Variants in PHACTR3 observed in about 807,000 individuals in gnomAD.
The protein encoded by PHACTR3 is phosphatase and actin regulator 3, also known as protein phosphatase 1, regulatory subunit 123.
Under a neutral mutation model 66.8 loss-of-function variants are expected in PHACTR3, and 16 were observed. That is an observed-to-expected ratio of 0.24 (90% CI 0.16 to 0.36). PHACTR3 has a LOEUF of 0.36. Ranked by LOEUF, PHACTR3 falls within the 10% of genes least tolerant of loss-of-function variation. The pLI is 1.00. For synonymous variants in PHACTR3, 323 were observed against 292.1 expected, an observed-to-expected ratio of 1.11 and a Z score of -1.08; for missense variants, 647 against 719.9, an observed-to-expected ratio of 0.90 and a Z score of 1.16.
intron 4 of PHACTR3, among the ~76,000 whole-genome samples, chr20:59,761,169 T>C (rs1421783015): frequency 6.6e-6 from 1 of 152,124 alleles, no homozygotes; most frequent in African/African-American, 2.4e-5. Context: ...TCTGCATGGC[T>C]GTGGAGCACT....
chr20:59,733,931 G>T (rs2038854628), intron 1 of PHACTR3, among the ~76,000 whole-genome samples: 1 of 151,882 alleles, frequency 6.6e-6, no homozygotes, highest in South Asian at 2.1e-4. Flanking sequence ...CCATATGTGT[G>T]AGTGCCCCCA....
intron 8 of PHACTR3, among the ~76,000 whole-genome samples, chr20:59,809,068 C>G (rs1480076085): frequency 6.6e-6 from 1 of 152,182 alleles, no homozygotes; most frequent in Admixed American, 6.5e-5. Context: ...GGCAGATTTT[C>G]CTCTGAGCAG....
At chr20:59,691,508 A>C (rs1295322909) in intron 1 of PHACTR3, among the ~76,000 whole-genome samples, 2 of 152,134 alleles carry the variant, frequency 1.3e-5, no homozygotes, top group Admixed American at 6.5e-5. Flanking sequence ...TGTCCCATTG[A>C]ATTGTGTCTA....
chr20:59,663,409 C>T (rs1235965906), intron 1 of PHACTR3, among the ~76,000 whole-genome samples: 1 of 152,226 alleles, frequency 6.6e-6, no homozygotes, highest in Non-Finnish European at 1.5e-5. Context: ...ATCAGGGCCA[C>T]TGAACCAGAA....
At chr20:59,641,387 G>A (rs2035098765) in intron 1 of PHACTR3, among the ~76,000 whole-genome samples, 1 of 152,174 alleles carries the variant, frequency 6.6e-6, no homozygotes, top group Admixed American at 6.5e-5. Flanking sequence ...GAGAGCCAAT[G>A]GTGTAGTTCT....
rs188188164 is a variant in PHACTR3 at position 59,827,873 on chromosome 20, C to G, written c.1329-8632C>G. On this transcript the variant is annotated intron_variant, in intron 8 of 12. Transcript: ENST00000371015. ...GCTTCCTGGTGGAGTTGAAGTTGCC[C>G]TGCCTCCTATGCCCTCAGGACACAG... Among the ~76,000 whole-genome samples, 1,231 of 152,256 alleles carry G rather than the reference C, an allele frequency of 8.1e-3. 15 individuals are homozygous for G. The highest frequency in any genetic ancestry group is 0.028 in the African/African-American group (1,172 of 41,552).
chr20:59,588,014 A>G (rs2033085370), intron 1 of PHACTR3, among the ~76,000 whole-genome samples: 2 of 152,044 alleles, frequency 1.3e-5, no homozygotes, highest in African/African-American at 4.8e-5. Flanking sequence ...CCCTGATCCC[A>G]GCTGCAAAGG....
At chr20:59,712,667 G>A (rs58991213) in intron 1 of PHACTR3, among the ~76,000 whole-genome samples, 2,642 of 152,228 alleles carry the variant, frequency 0.017, 78 homozygotes, top group African/African-American at 0.06. Context: ...AAACACATTT[G>A]TTATGTTGAT....
intron 1 of PHACTR3, among the ~76,000 whole-genome samples, chr20:59,661,029 T>G (rs2035787865): frequency 6.6e-6 from 1 of 152,188 alleles, no homozygotes; most frequent in Non-Finnish European, 1.5e-5. Context: ...CTTCACACTG[T>G]GATTCTCATT....
rs2041999135 is a variant in PHACTR3, at chr20:59,820,328, G to A, written c.1328+14134G>A. ...CAGAAATCAACCTCAGCCCTAAAGGGAGGGGCCTGGTAGTCCTGCAAAGGC... is the reference window on the plus strand; with the variant it reads ...CAGAAATCAACCTCAGCCCTAAAGGAAGGGGCCTGGTAGTCCTGCAAAGGC... On this transcript the variant is annotated intron_variant, in intron 8 of 12. Transcript: ENST00000371015. The surrounding 1 kb of genome is among the most constrained non-coding windows in gnomAD (Gnocchi z 4.6). Among the ~76,000 whole-genome samples, 1 of 152,260 alleles carries A rather than the reference G, an allele frequency of 6.6e-6. No homozygotes were observed. Among genetic ancestry groups the A allele is most frequent in the African/African-American group, 2.4e-5 (1 of 41,470 alleles).
intron 3 of PHACTR3, among the ~76,000 whole-genome samples, chr20:59,749,456 G>T (rs1345209149): frequency 6.6e-6 from 1 of 152,232 alleles, no homozygotes; most frequent in Non-Finnish European, 1.5e-5. Context: ...GTCTGATGAA[G>T]TCATAGCAGA....
At chr20:59,673,138 A>G (rs2036251930) in intron 1 of PHACTR3, among the ~76,000 whole-genome samples, 1 of 152,160 alleles carries the variant, frequency 6.6e-6, no homozygotes, top group South Asian at 2.1e-4. Flanking sequence ...CTTTTGGGGC[A>G]TCTTCCTGGG....
At chr20:59,802,769 C>T (rs1290163933) in intron 7 of PHACTR3, among the ~76,000 whole-genome samples, 7 of 152,212 alleles carry the variant, frequency 4.6e-5, no homozygotes, top group Non-Finnish European at 8.8e-5. Flanking sequence ...ACGATGCCCC[C>T]GCCCACCACA....
At chr20:59,777,658 C>G (rs944437507) in intron 7 of PHACTR3, among the ~76,000 whole-genome samples, 7 of 152,310 alleles carry the variant, frequency 4.6e-5, no homozygotes, top group African/African-American at 1.7e-4. Flanking sequence ...TTGTCATTCT[C>G]TATTCTCTGT....
At chr20:59,707,884 C>A (rs1348211015) in intron 1 of PHACTR3, among the ~76,000 whole-genome samples, 1 of 152,226 alleles carries the variant, frequency 6.6e-6, no homozygotes, top group Non-Finnish European at 1.5e-5. Context: ...GTACAGTCTG[C>A]AGAACCATGA....
At chr20:59,705,566 A>C (rs972896689) in intron 1 of PHACTR3, among the ~76,000 whole-genome samples, 3 of 152,208 alleles carry the variant, frequency 2.0e-5, no homozygotes, top group East Asian at 3.8e-4. Context: ...TAAATAAAAT[A>C]GTTTTCAAGT....
At chr20:59,644,317 A>G (rs1364150223) in intron 1 of PHACTR3, among the ~76,000 whole-genome samples, 1 of 152,252 alleles carries the variant, frequency 6.6e-6, no homozygotes, top group Non-Finnish European at 1.5e-5. Flanking sequence ...AGTGAAAAAC[A>G]GTTTTGAATT....
intron 7 of PHACTR3, among the ~76,000 whole-genome samples, chr20:59,787,296 C>T (rs2040946495): frequency 6.6e-6 from 1 of 152,300 alleles, no homozygotes; most frequent in South Asian, 2.1e-4. Flanking sequence ...ACTGCAGTGC[C>T]CTGGCAAGTG....
chr20:59,824,800 C>G (rs906412479), intron 8 of PHACTR3, among the ~76,000 whole-genome samples: 1 of 152,178 alleles, frequency 6.6e-6, no homozygotes, highest in Non-Finnish European at 1.5e-5. Context: ...GGGAGGGGCT[C>G]TGTCTACACT....
Sources: allele counts gnomAD v4.1 joint callset (sites outside exome capture counted in the v4.1 genomes callset), GRCh38; gene constraint gnomAD v4.1.1; non-coding constraint Gnocchi (gnomAD v3.1); transcripts MANE v1.5; gene names NCBI Gene and HGNC (gene_info 2026-07-23, HGNC 2026-07-21).